UNC5C: variants seen among roughly 807,000 people sequenced by gnomAD.
UNC5C encodes the protein unc-5 netrin receptor C.
Under a neutral mutation model 99.8 loss-of-function variants are expected in UNC5C, and 47 were observed. That is an observed-to-expected ratio of 0.47 (90% CI 0.37 to 0.60). The LOEUF (loss-of-function observed/expected upper bound fraction) is 0.60. UNC5C is among the 20% of genes least tolerant of loss of function. The pLI is 0.00. For missense variants in UNC5C, 1,062 were observed against 1,165.9 expected (o/e 0.91, Z 1.30); for synonymous variants, 487 against 452.2 (o/e 1.08, Z -0.98).
At chr4:95,466,658 C>T (rs2149472919) in intron 1 of UNC5C, among the ~76,000 whole-genome samples, 1 of 151,818 alleles carries the variant, frequency 6.6e-6, no homozygotes, top group Non-Finnish European at 1.5e-5. Flanking sequence ...TTGAGTTGAG[C>T]TATGGACATA....
chr4:95,163,500 A>C lies in UNC5C; in HGVS notation c.*5734T>G, dbSNP rs1312911088. 6.6e-6 allele frequency: 1 copy of C among 152,158 alleles called. No individual in the cohort carries two copies. Among genetic ancestry groups the C allele is most frequent in the African/African-American group, 2.4e-5 (1 of 41,444 alleles). The allele number at this position is 152,158 out of a possible 1,614,324, so 9.4% of individuals were successfully genotyped here. On this transcript the variant is annotated 3_prime_UTR_variant, in exon 16 of 16. Transcript: ENST00000453304. ...ATTCATCTTCTACACACCAGTACTG[A>C]GGGTTATTCCACCCCGGATCAGCGC...
intron 11 of UNC5C, among the ~76,000 whole-genome samples, chr4:95,206,075 A>G (rs1053628590): frequency 4.0e-5 from 6 of 150,402 alleles, no homozygotes; most frequent in Non-Finnish European, 8.9e-5. Context: ...ATCTCAGCTC[A>G]CTGCAACCTC....
intron 3 of UNC5C, among the ~76,000 whole-genome samples, chr4:95,297,812 C>T (rs1741713589): frequency 2.6e-5 from 4 of 152,194 alleles, no homozygotes; most frequent in Admixed American, 2.6e-4. Context: ...ATCCTGGCCT[C>T]ACCACCTCCA....
intron 4 of UNC5C, among the ~76,000 whole-genome samples, chr4:95,271,480 C>T (rs1740664844): frequency 6.6e-6 from 1 of 152,100 alleles, no homozygotes; most frequent in Admixed American, 6.5e-5. Context: ...CCGCCCGCCT[C>T]GGCCTACCAA....
chr4:95,309,127 A>G (rs1266339427), intron 2 of UNC5C, among the ~76,000 whole-genome samples: 2 of 152,148 alleles, frequency 1.3e-5, no homozygotes, highest in Non-Finnish European at 2.9e-5. Flanking sequence ...AAATAAATCC[A>G]TATGTTTATG....
At chr4:95,381,616 A>G (rs1745074475) in intron 1 of UNC5C, among the ~76,000 whole-genome samples, 1 of 152,184 alleles carries the variant, frequency 6.6e-6, no homozygotes, top group Non-Finnish European at 1.5e-5. Flanking sequence ...AAACTCAGAT[A>G]TTAGAATGTC....
chr4:95,498,448 CATA>C (rs1721685375), intron 1 of UNC5C, among the ~76,000 whole-genome samples: 1 of 151,874 alleles, frequency 6.6e-6, no homozygotes, highest in Non-Finnish European at 1.5e-5. Flanking sequence ...AAAAGTGTTA[CATA>C]AAAAAGGAAA....
At chr4:95,257,644 T>C (rs889127004) in intron 4 of UNC5C, among the ~76,000 whole-genome samples, 6 of 152,208 alleles carry the variant, frequency 3.9e-5, no homozygotes, top group African/African-American at 1.4e-4. Context: ...CAGATTTGGC[T>C]GATCTCACAA....
At chr4:95,497,188 C>T (rs1408510325) in intron 1 of UNC5C, among the ~76,000 whole-genome samples, 2 of 151,782 alleles carry the variant, frequency 1.3e-5, no homozygotes, top group Non-Finnish European at 2.9e-5. Flanking sequence ...GGGTAGATAC[C>T]CAATAGTGGG....
chr4:95,237,265 T>G (rs1739153239), intron 7 of UNC5C, among the ~76,000 whole-genome samples: 1 of 152,188 alleles, frequency 6.6e-6, no homozygotes, highest in Non-Finnish European at 1.5e-5. Context: ...ACTTAAAACT[T>G]ATGCATTCAA....
chr4:95,356,097 G>A (rs1305443523), intron 1 of UNC5C, among the ~76,000 whole-genome samples: 2 of 150,296 alleles, frequency 1.3e-5, no homozygotes, highest in African/African-American at 4.9e-5. Flanking sequence ...GGCTGAGGTT[G>A]GAGGATCATT....
In UNC5C at chr4:95,206,609, T is replaced by C. The variant is rs1338890393; in HGVS notation, c.1902+19A>G. The C allele has an allele frequency of 6.2e-7, 1 of 1,613,956 alleles. No individual in the cohort carries two copies. The highest frequency in any genetic ancestry group is 8.5e-7 in the Non-Finnish European group (1 of 1,179,950). On this transcript the variant is annotated intron_variant, in intron 11 of 15. Coordinates refer to ENST00000453304, the MANE Select transcript of UNC5C (RefSeq NM_003728.4). Reference sequence around the variant, plus strand: ...ATGGATTATTCTTGCATAGCATCTTTATCCCGACAGCAGCTCACCTCCCAC... The same window carrying C: ...ATGGATTATTCTTGCATAGCATCTTCATCCCGACAGCAGCTCACCTCCCAC...
chr4:95,479,024 T>C (rs1205031232), intron 1 of UNC5C, among the ~76,000 whole-genome samples: 2 of 151,952 alleles, frequency 1.3e-5, no homozygotes, highest in Non-Finnish European at 2.9e-5. Context: ...TCCTGAAGCC[T>C]CACCAGAAGC....
rs369704545 is a variant in UNC5C, at chr4:95,202,465, C to G, written c.2136+266G>C. Among the ~76,000 whole-genome samples, 11 of 152,340 alleles carry G rather than the reference C, an allele frequency of 7.2e-5. No homozygotes were observed. In the East Asian group the frequency reaches 7.7e-4, roughly 11 times the overall value. On this transcript the variant is annotated intron_variant, in intron 12 of 15. Transcript: ENST00000453304. ...CAGATTATTTACCATCCACGGGTCTCGTTGCCAAATTCTTCTAAATTTTTC... is the reference window on the plus strand; with the variant it reads ...CAGATTATTTACCATCCACGGGTCTGGTTGCCAAATTCTTCTAAATTTTTC...
chr4:95,464,546 C>T (rs1389089329), intron 1 of UNC5C, among the ~76,000 whole-genome samples: 3 of 152,074 alleles, frequency 2.0e-5, no homozygotes, highest in African/African-American at 4.8e-5. Context: ...AACTTAAGAA[C>T]ATAATCACAG....
At chr4:95,486,149 A>G (rs972332546) in intron 1 of UNC5C, among the ~76,000 whole-genome samples, 4 of 151,906 alleles carry the variant, frequency 2.6e-5, no homozygotes, top group Admixed American at 1.3e-4. Flanking sequence ...AGTCAAATAT[A>G]CATAAAATAA....
intron 1 of UNC5C, among the ~76,000 whole-genome samples, chr4:95,497,073 C>T (rs1004697916): frequency 1.1e-4 from 17 of 151,968 alleles, no homozygotes; most frequent in South Asian, 4.2e-4. Flanking sequence ...TTTATCCACT[C>T]GTTGGTTGAT....
At chr4:95,276,735 G>A (rs953601302) in intron 4 of UNC5C, among the ~76,000 whole-genome samples, 1 of 152,152 alleles carries the variant, frequency 6.6e-6, no homozygotes, top group South Asian at 2.1e-4. Flanking sequence ...ATCATACTGT[G>A]TCTTAGTGCT....
At chr4:95,346,107 C>G (rs1032035071) in intron 1 of UNC5C, among the ~76,000 whole-genome samples, 1 of 151,676 alleles carries the variant, frequency 6.6e-6, no homozygotes, top group Non-Finnish European at 1.5e-5. Context: ...GACATTACAC[C>G]TGATACTATA....
Sources: gnomAD v4.1 joint callset for allele counts (sites outside exome capture counted in the v4.1 genomes callset) on GRCh38, gnomAD v4.1.1 for gene constraint, MANE v1.5 for transcripts, NCBI Gene and HGNC (gene_info 2026-07-23, HGNC 2026-07-21) for gene names.